Variants in RNF145 observed in about 807,000 individuals in gnomAD.
RNF145 encodes ring finger protein 145.
Under a neutral mutation model 57.3 loss-of-function variants are expected in RNF145, and 12 were observed. The ratio of observed to expected loss-of-function variants is 0.21; its 90% CI spans 0.13 to 0.34. RNF145 has a LOEUF of 0.34. Ranked by LOEUF, RNF145 falls within the 10% of genes least tolerant of loss-of-function variation. The pLI is 1.00. For missense variants in RNF145, 429 were observed against 799.0 expected (o/e 0.54, Z 5.58); for synonymous variants, 262 against 288.3 (o/e 0.91, Z 0.92).
intron 2 of RNF145, among the ~76,000 whole-genome samples, chr5:159,200,294 G>C (rs569515458): frequency 6.6e-6 from 1 of 151,980 alleles, no homozygotes; most frequent in East Asian, 1.9e-4. Flanking sequence ...GAAAACTGAA[G>C]GGACTAACCC....
rs184079675 is a variant in RNF145 at position 159,162,880 on chromosome 5, G to A, written c.1269+52C>T. 2.2e-3 allele frequency: 3,225 copies of A among 1,468,044 alleles called. 8 individuals carry two copies. Among genetic ancestry groups the A allele is most frequent in the Non-Finnish European group, 2.8e-3 (3,087 of 1,089,304 alleles). 90.9% of individuals were successfully genotyped at this position (1,468,044 alleles called of 1,614,324 possible). ...AAAAAATTTAATTCCTCCTCTGGGA[G>A]GAAAAATAACAAAATTGGTTATTAT... On this transcript the variant is annotated intron_variant, in intron 9 of 10. Coordinates refer to ENST00000424310, the MANE Select transcript of RNF145 (RefSeq NM_001199383.2).
At position 159,182,066 on chromosome 5, in the gene RNF145, T is replaced by C. The variant is rs1291578755; in HGVS notation, c.294-15A>G. On this transcript the variant is annotated splice_polypyrimidine_tract_variant and intron_variant, in intron 3 of 10. Coordinates refer to ENST00000424310, the MANE Select transcript of RNF145 (RefSeq NM_001199383.2). The stretch of plus-strand genomic sequence containing the variant: ...GAACATAGTCCCTAAATAAGAAAAT[T>C]GATTAGAATGTATATATTAGATACA... 1 of 1,454,848 alleles carries C rather than the reference T, an allele frequency of 6.9e-7. No homozygotes were observed. The highest frequency in any genetic ancestry group is 9.7e-7 in the Non-Finnish European group (1 of 1,036,030). 90.1% of individuals were successfully genotyped at this position (1,454,848 alleles called of 1,614,324 possible).
intron 2 of RNF145, 69 bp from the exon 3 acceptor site, chr5:159,194,893 G>C (rs1785403086): frequency 1.8e-6 from 2 of 1,085,320 alleles, no homozygotes; most frequent in South Asian, 3.1e-5. Context: ...AAAAGAAAGA[G>C]CTTGAGACAA....
intron 8 of RNF145, among the ~76,000 whole-genome samples, chr5:159,164,548 C>T (rs922594580): frequency 3.3e-5 from 5 of 152,074 alleles, no homozygotes; most frequent in Non-Finnish European, 7.4e-5. Context: ...AATTTTAATA[C>T]AGGTGGATAT....
At chr5:159,168,750 T>C in intron 8 of RNF145, 123 bp downstream of exon 8, 1 of 517,838 alleles carries the variant, frequency 1.9e-6, no homozygotes, top group Non-Finnish European at 3.2e-6. Flanking sequence ...TGAATTAACC[T>C]AAGCTAATAC....
intron 1 of RNF145, among the ~76,000 whole-genome samples, chr5:159,204,837 A>G (rs1785816809): frequency 6.6e-6 from 1 of 151,516 alleles, no homozygotes; most frequent in African/African-American, 2.4e-5. Context: ...AGCAAACAAA[A>G]GTGGGTAAAG....
chr5:159,182,368 C>G (rs1007499077), intron 3 of RNF145, among the ~76,000 whole-genome samples: 4 of 152,064 alleles, frequency 2.6e-5, no homozygotes, highest in African/African-American at 9.7e-5. Context: ...TCTCTCAACT[C>G]TACTACACTA....
At chr5:159,209,984 G>A (rs1584720949), upstream of RNF145, 3 of 1,350,586 alleles carry the variant, frequency 2.2e-6, no homozygotes, top group East Asian at 7.5e-5. Context: ...CGTCTGGGAT[G>A]GCTCAGCCGT....
chr5:159,172,896 T>C (rs1183371780), intron 6 of RNF145, among the ~76,000 whole-genome samples: 2 of 152,196 alleles, frequency 1.3e-5, no homozygotes, highest in East Asian at 1.9e-4. Context: ...ATATTTACTT[T>C]ATAGGAGGAC....
chr5:159,162,425 CTTTTTT>C (rs201178143), intron 9 of RNF145, among the ~76,000 whole-genome samples: 14 of 134,594 alleles, frequency 1.0e-4, no homozygotes, highest in African/African-American at 3.7e-4. Context: ...GTAATATTTT[CTTTTTT>C]TTTTTTTTTT....
At chr5:159,172,735 T>C (rs1314745708) in intron 6 of RNF145, among the ~76,000 whole-genome samples, 1 of 152,250 alleles carries the variant, frequency 6.6e-6, no homozygotes, top group Non-Finnish European at 1.5e-5. Context: ...TTTACATTTG[T>C]GTTAATGCTT....
intron 3 of RNF145, among the ~76,000 whole-genome samples, chr5:159,187,315 G>GTT (rs113391374): frequency 6.9e-6 from 1 of 145,938 alleles, no homozygotes. Context: ...AATTTATCTA[G>GTT]TTTTTTTTTT....
At chr5:159,180,002 T>C (rs1784837456) in intron 4 of RNF145, among the ~76,000 whole-genome samples, 1 of 152,026 alleles carries the variant, frequency 6.6e-6, no homozygotes, top group Admixed American at 6.6e-5. Context: ...AACCTGCAAG[T>C]GGGAGAGAAG....
At chr5:159,201,011 G>A (rs539946003) in intron 2 of RNF145, among the ~76,000 whole-genome samples, 2 of 152,258 alleles carry the variant, frequency 1.3e-5, no homozygotes, top group South Asian at 2.1e-4. Context: ...ACGGTTTTTG[G>A]AGGTACAAAA....
At chr5:159,175,084 A>C (rs1584677447) in intron 5 of RNF145, among the ~76,000 whole-genome samples, 1 of 152,200 alleles carries the variant, frequency 6.6e-6, no homozygotes. Context: ...TATTAAGTTA[A>C]AATAAATTGA....
chr5:159,209,767 C>G, upstream of RNF145: 1 of 1,334,734 alleles, frequency 7.5e-7, no homozygotes, highest in Non-Finnish European at 1.0e-6. Context: ...GACACCTGGA[C>G]GCGCACTGTG....
intron 8 of RNF145, among the ~76,000 whole-genome samples, chr5:159,168,017 T>A (rs1274375059): frequency 6.6e-6 from 1 of 152,144 alleles, no homozygotes; most frequent in Non-Finnish European, 1.5e-5. Flanking sequence ...ATAATCAGAA[T>A]GCAGATAGAG....
At position 159,197,526 on chromosome 5, in the gene RNF145, TAACAA is replaced by T. The variant is rs1267784444; in HGVS notation, c.185-2707_185-2703del. On this transcript the variant is annotated intron_variant, in intron 2 of 10. Coordinates refer to ENST00000424310, the MANE Select transcript of RNF145 (RefSeq NM_001199383.2). Reference sequence around the variant, plus strand: ...TTCCAGTGGAAAAGTAACTCTGTGATAACAAAATATTTGTGTAAGAAAACTTTGAG... The same window carrying T: ...TTCCAGTGGAAAAGTAACTCTGTGATAATATTTGTGTAAGAAAACTTTGAG... Among the ~76,000 whole-genome samples the T allele has an allele frequency of 2.0e-5, 3 of 152,348 alleles. No homozygotes were observed. In the East Asian group the frequency reaches 5.8e-4, roughly 29 times the overall value.
At chr5:159,187,057 G>T (rs1785090832) in intron 3 of RNF145, among the ~76,000 whole-genome samples, 2 of 151,836 alleles carry the variant, frequency 1.3e-5, no homozygotes, top group Non-Finnish European at 2.9e-5. Context: ...AAGGTGGGCG[G>T]ATCACCTGAG....
Sources: allele counts gnomAD v4.1 joint callset (sites outside exome capture counted in the v4.1 genomes callset), GRCh38; gene constraint gnomAD v4.1.1; transcripts MANE v1.5; gene names NCBI Gene and HGNC (gene_info 2026-07-23, HGNC 2026-07-21).